Variants in GALNT13 observed in about 807,000 individuals in gnomAD.
GALNT13 encodes UDP-GalNAc:polypeptide N-acetylgalactosaminyltransferase 13.
Under a neutral mutation model 64.2 loss-of-function variants are expected in GALNT13, and 28 were observed. That is an observed-to-expected ratio of 0.44 (90% CI 0.32 to 0.60). GALNT13 has a LOEUF of 0.60. Among genes scored for constraint, GALNT13 ranks in the 20% least tolerant of loss-of-function variants. GALNT13 has a pLI of 0.05. For missense variants in GALNT13, 577 were observed against 669.8 expected, an observed-to-expected ratio of 0.86 and a Z score of 1.53; for synonymous variants, 214 against 224.6, an observed-to-expected ratio of 0.95 and a Z score of 0.42.
chr2:153,432,797 A>G, the GALNT13 span, among the ~76,000 whole-genome samples: 12 of 152,306 alleles, frequency 7.9e-5, no homozygotes, highest in East Asian at 2.1e-3. Context: ...AATCAACATT[A>G]TGATTTAAAA....
intron 12 of GALNT13, among the ~76,000 whole-genome samples, chr2:154,442,666 T>C (rs574141065): frequency 4.5e-4 from 68 of 152,260 alleles, no homozygotes; most frequent in Middle Eastern, 3.4e-3. Context: ...GGTGTTCTTA[T>C]ATTCTGTTTG....
intron 3 of GALNT13, among the ~76,000 whole-genome samples, chr2:154,012,777 A>G (rs1421966104): frequency 6.6e-6 from 1 of 151,890 alleles, no homozygotes; most frequent in Non-Finnish European, 1.5e-5. Context: ...ATTTGTTTAT[A>G]TGTCTGATTG....
At chr2:153,247,614 G>C in the GALNT13 span, among the ~76,000 whole-genome samples, 9 of 152,046 alleles carry the variant, frequency 5.9e-5, no homozygotes, top group Non-Finnish European at 1.3e-4. Context: ...TCAGAAGCTA[G>C]AAAGATCTCA....
chr2:153,999,862 A>G lies in GALNT13; in HGVS notation c.142+55223A>G, dbSNP rs571312572. On this transcript the variant is annotated intron_variant, in intron 3 of 12. Transcript: ENST00000392825. The stretch of plus-strand genomic sequence containing the variant: ...GTTTGAAAATATTCCCTCCTTTTAA[A>G]GTTTTTGCGTGAGTTTGAGAAGAAT... 9.2e-5 allele frequency among the ~76,000 whole-genome samples: 14 copies of G among 151,868 alleles called. No homozygotes were observed. The East Asian group carries it at 2.7e-3, about 29-fold the overall frequency.
the GALNT13 span, among the ~76,000 whole-genome samples, chr2:153,354,982 G>A: frequency 2.0e-5 from 3 of 152,224 alleles, no homozygotes; most frequent in South Asian, 6.2e-4. Context: ...GTTATTTTCT[G>A]AACTGAAATG....
intron 4 of GALNT13, among the ~76,000 whole-genome samples, chr2:154,193,455 G>A (rs1186618896): frequency 6.6e-6 from 1 of 152,162 alleles, no homozygotes; most frequent in Non-Finnish European, 1.5e-5. Flanking sequence ...CCAGTCTGCA[G>A]TTTTGTTTCC....
At chr2:153,661,635 C>G in the GALNT13 span, among the ~76,000 whole-genome samples, 1 of 152,116 alleles carries the variant, frequency 6.6e-6, no homozygotes. Flanking sequence ...ATGGCCACTT[C>G]TATAATGCAT....
intron 2 of GALNT13, among the ~76,000 whole-genome samples, chr2:153,911,786 C>A (rs747406497): frequency 6.6e-6 from 1 of 152,136 alleles, no homozygotes. Flanking sequence ...GGCTGTTAGT[C>A]TGATGGGCTT....
the GALNT13 span, among the ~76,000 whole-genome samples, chr2:153,674,580 C>T: frequency 6.6e-6 from 1 of 152,070 alleles, no homozygotes; most frequent in Non-Finnish European, 1.5e-5. Context: ...AATGTAAGAC[C>T]TCAAACCTTA....
At chr2:154,161,192 T>G (rs11684139) in intron 4 of GALNT13, among the ~76,000 whole-genome samples, 27,804 of 152,146 alleles carry the variant, frequency 0.18, 3,333 homozygotes, top group Non-Finnish European at 0.26. Flanking sequence ...ATACTAAGAT[T>G]ATAAATGTGA....
chr2:153,629,137 G>C, the GALNT13 span, among the ~76,000 whole-genome samples: 1 of 152,032 alleles, frequency 6.6e-6, no homozygotes, highest in Non-Finnish European at 1.5e-5. Context: ...TTTGCATAGA[G>C]GTGTTTGTAG....
chr2:153,151,668 A>G, the GALNT13 span, among the ~76,000 whole-genome samples: 1 of 152,184 alleles, frequency 6.6e-6, no homozygotes, highest in Non-Finnish European at 1.5e-5. Flanking sequence ...TGATGAGTTC[A>G]TGTCCTCTGT....
the GALNT13 span, among the ~76,000 whole-genome samples, chr2:153,827,516 T>C: frequency 1.3e-5 from 2 of 151,870 alleles, no homozygotes; most frequent in South Asian, 2.1e-4. Flanking sequence ...TCCCAGCTAC[T>C]TGGGAGGCTG....
the GALNT13 span, among the ~76,000 whole-genome samples, chr2:153,602,055 T>TA: frequency 6.6e-6 from 1 of 151,758 alleles, no homozygotes; most frequent in African/African-American, 2.4e-5. Context: ...TGATACCGCA[T>TA]AAATAGAGCA....
At chr2:153,174,309 CAG>C in the GALNT13 span, among the ~76,000 whole-genome samples, 1 of 152,158 alleles carries the variant, frequency 6.6e-6, no homozygotes, top group Non-Finnish European at 1.5e-5. Flanking sequence ...AGAAGTCTGA[CAG>C]TGTTCTTTCT....
the GALNT13 span, among the ~76,000 whole-genome samples, chr2:153,526,284 C>T: frequency 6.6e-6 from 1 of 152,256 alleles, no homozygotes; most frequent in Non-Finnish European, 1.5e-5. Context: ...TCTAACCCAG[C>T]ACAATCCTAG....
At chr2:153,650,786 C>G in the GALNT13 span, among the ~76,000 whole-genome samples, 1 of 152,088 alleles carries the variant, frequency 6.6e-6, no homozygotes. Context: ...GAGTGTCCCT[C>G]CAGCAAATTT....
the GALNT13 span, among the ~76,000 whole-genome samples, chr2:153,855,931 A>G: frequency 3.9e-5 from 6 of 152,214 alleles, no homozygotes; most frequent in Non-Finnish European, 8.8e-5. Flanking sequence ...CACAATGTGG[A>G]TGAACCTTGA....
At chr2:153,760,549 G>T in the GALNT13 span, among the ~76,000 whole-genome samples, 1 of 151,990 alleles carries the variant, frequency 6.6e-6, no homozygotes, top group African/African-American at 2.4e-5. Context: ...AATTTTCCAA[G>T]ATTTCTTCTG....
Sources: gnomAD v4.1 joint callset for allele counts (sites outside exome capture counted in the v4.1 genomes callset) on GRCh38, gnomAD v4.1.1 for gene constraint, MANE v1.5 for transcripts, NCBI Gene and HGNC (gene_info 2026-07-23, HGNC 2026-07-21) for gene names.